The following CDK5RAP1 variants were observed in gnomAD, a reference collection of about 807,000 sequenced individuals.
CDK5RAP1 encodes the protein mitochondrial tRNA methylthiotransferase CDK5RAP1.
CDK5RAP1 carries 62 observed loss-of-function variants against 64.5 expected under a neutral mutation model. The ratio of observed to expected loss-of-function variants is 0.96; its 90% confidence interval spans 0.78 to 1.19. The LOEUF is 1.19. CDK5RAP1 is among the 50% of genes most tolerant of loss of function. The probability of loss-of-function intolerance (pLI) is 0.00; values close to 1 mark genes in which losing one functional copy is unlikely to be tolerated. For missense variants in CDK5RAP1, 657 were observed against 735.0 expected (o/e 0.89, Z 1.23); for synonymous variants, 250 against 261.9 (o/e 0.95, Z 0.44).
chr20:33,364,522 A>C (rs1044339893), intron 12 of CDK5RAP1, among the ~76,000 whole-genome samples: 6 of 151,994 alleles, frequency 3.9e-5, no homozygotes, highest in Non-Finnish European at 7.4e-5. Context: ...AAAATCACCC[A>C]CCAGGAGCAG....
chr20:33,361,073 G>A lies in CDK5RAP1; in HGVS notation c.1543-582C>T, dbSNP rs1387043578. Among the ~76,000 whole-genome samples the A allele has an allele frequency of 2.6e-5, 4 of 152,320 alleles. No homozygotes were observed. The East Asian group carries it at 7.7e-4, about 29-fold the overall frequency. ...CCTTCAGCCTTATAAATAATAACCA[G>A]CAAATTGGGTAAAATATATGAAACA... On this transcript the variant is annotated intron_variant, in intron 12 of 13. Transcript: ENST00000346416.
intron 10 of CDK5RAP1, 130 bp from the exon 11 acceptor site, chr20:33,370,759 AC>A: frequency 1.2e-6 from 1 of 850,736 alleles, no homozygotes; most frequent in Non-Finnish European, 1.9e-6. Flanking sequence ...CATAAGTAAA[AC>A]AAAATAGTAC....
intron 3 of CDK5RAP1, among the ~76,000 whole-genome samples, chr20:33,394,685 A>C (rs1278737610): frequency 6.6e-6 from 1 of 152,116 alleles, no homozygotes; most frequent in Non-Finnish European, 1.5e-5. Flanking sequence ...TGTGGCATTA[A>C]GAACATCTGC....
intron 13 of CDK5RAP1, 138 bp downstream of exon 13, chr20:33,360,213 G>A: frequency 2.8e-6 from 2 of 712,274 alleles, no homozygotes; most frequent in Non-Finnish European, 4.7e-6. Flanking sequence ...CCAATCCAAA[G>A]TGCCCTTCCA....
intron 11 of CDK5RAP1, 150 bp from the exon 12 acceptor site, chr20:33,367,158 G>T: frequency 4.5e-6 from 3 of 659,880 alleles, no homozygotes; most frequent in Non-Finnish European, 7.3e-6. Flanking sequence ...GGTTTCTCTG[G>T]CTCTGGGAGC....
At chr20:33,372,503 GAGAGAA>G in intron 10 of CDK5RAP1, 133 bp downstream of exon 10, 2 of 498,048 alleles carry the variant, frequency 4.0e-6, no homozygotes, top group Non-Finnish European at 7.1e-6. Flanking sequence ...AATACGAGGA[GAGAGAA>G]AGAGAAAGAA....
intron 11 of CDK5RAP1, among the ~76,000 whole-genome samples, chr20:33,369,948 A>G (rs576347784): frequency 1.3e-4 from 20 of 152,278 alleles, no homozygotes; most frequent in African/African-American, 3.1e-4. Context: ...CATGCCTACA[A>G]TCAAGAAAAT....
intron 13 of CDK5RAP1, 43 bp from the exon 14 acceptor site, chr20:33,359,166 G>C (rs1401643237): frequency 1.8e-5 from 25 of 1,386,938 alleles, no homozygotes; most frequent in Non-Finnish European, 2.6e-5. Flanking sequence ...AACTAGGACT[G>C]TAGCACTGGG....
At chr20:33,378,650 T>G (rs1986339490) in intron 8 of CDK5RAP1, among the ~76,000 whole-genome samples, 1 of 152,166 alleles carries the variant, frequency 6.6e-6, no homozygotes, top group African/African-American at 2.4e-5. Context: ...AGGAGGTAAT[T>G]GTTAACCCCT....
chr20:33,362,367 A>C (rs1341173436), intron 12 of CDK5RAP1, among the ~76,000 whole-genome samples: 1 of 152,206 alleles, frequency 6.6e-6, no homozygotes, highest in Non-Finnish European at 1.5e-5. Flanking sequence ...CCAAAATGTC[A>C]ACCTAAAAGT....
At chr20:33,375,264 T>C (rs1985796534) in intron 8 of CDK5RAP1, among the ~76,000 whole-genome samples, 1 of 151,566 alleles carries the variant, frequency 6.6e-6, no homozygotes, top group Non-Finnish European at 1.5e-5. Context: ...TAGCTGGACA[T>C]GGTGGTGTGC....
intron 8 of CDK5RAP1, among the ~76,000 whole-genome samples, 184 bp downstream of exon 8, chr20:33,379,277 C>A (rs1568702312): frequency 6.6e-6 from 1 of 152,086 alleles, no homozygotes; most frequent in Non-Finnish European, 1.5e-5. Flanking sequence ...TGGTGTAAGC[C>A]CCGTGCCCAG....
At chr20:33,392,462 A>ATTTTTTTTT (rs1202756640) in intron 4 of CDK5RAP1, among the ~76,000 whole-genome samples, 1 of 118,980 alleles carries the variant, frequency 8.4e-6, no homozygotes, top group Admixed American at 8.7e-5. Flanking sequence ...TTTGGGGGGG[A>ATTTTTTTTT]TTTTTTTTTT....
chr20:33,398,649 G>A (rs984938929), intron 1 of CDK5RAP1, among the ~76,000 whole-genome samples: 35 of 150,872 alleles, frequency 2.3e-4, no homozygotes, highest in Non-Finnish European at 3.0e-4. Flanking sequence ...GCTGGTGGCC[G>A]GGTGCAGTGG....
chr20:33,380,851 A>G (rs1320236880), intron 7 of CDK5RAP1, among the ~76,000 whole-genome samples: 1 of 152,018 alleles, frequency 6.6e-6, no homozygotes, highest in Non-Finnish European at 1.5e-5. Flanking sequence ...AAATACAAAA[A>G]ATTAGCTGGG....
At position 33,370,621 on chromosome 20, in the gene CDK5RAP1, G is replaced by C; in HGVS notation, c.1270C>G (p.Leu424Val). Residue 424 changes from leucine to valine, a missense_variant, in exon 11 of 14, where the codon CTC (leucine) becomes GTC (valine). Coordinates refer to ENST00000346416, the MANE Select transcript of CDK5RAP1 (RefSeq NM_016408.4). Reference protein sequence around the residue: ...HIRESIPGVSLSSDFIAGFCG... With the variant: ...HIRESIPGVSVSSDFIAGFCG... ...AAGCCAGCAATGAAATCGCTGCTGA[G>C]GCTCACACCTGTGATACACAGCAAA... 2 of 1,614,188 alleles carry C rather than the reference G, an allele frequency of 1.2e-6. No homozygotes were observed. Among genetic ancestry groups the C allele is most frequent in the Non-Finnish European group, 1.7e-6 (2 of 1,180,022 alleles).
rs1332042860 is a variant in CDK5RAP1, at chr20:33,396,995, A to T, written c.70T>A (p.Trp24Arg). 4.3e-6 allele frequency: 7 copies of T among 1,614,188 alleles called. No individual in the cohort carries two copies. Among genetic ancestry groups the T allele is most frequent in the Non-Finnish European group, 5.9e-6 (7 of 1,180,018 alleles). ...LGWGPLASVS[W>R]LSLRMCRAHS... ...GCCCTGCACATCCTCAGCGACAGCC[A>T]AGACACAGAGGCCAATGGTCCCCAC... is the stretch of plus-strand genomic sequence containing the variant. Residue 24 changes from tryptophan to arginine, a missense_variant, in exon 2 of 14, where the codon TGG becomes AGG. By Grantham distance (101) the Trp-to-Arg change is moderately radical. Coordinates refer to ENST00000346416, the MANE Select transcript of CDK5RAP1 (RefSeq NM_016408.4).
chr20:33,394,163 C>T (rs1321747440), intron 3 of CDK5RAP1, 97 bp from the exon 4 acceptor site: 134 of 869,824 alleles, frequency 1.5e-4, no homozygotes, highest in African/African-American at 5.9e-4. Flanking sequence ...ATTTTTTTTT[C>T]CTTTTTTTTT....
chr20:33,392,669 TA>T (rs1600802063), intron 4 of CDK5RAP1, among the ~76,000 whole-genome samples: 1 of 152,048 alleles, frequency 6.6e-6, no homozygotes, highest in East Asian at 1.9e-4. Flanking sequence ...TGCTATAATT[TA>T]CCTTTCCTAA....
Sources: gnomAD v4.1 joint callset for allele counts (sites outside exome capture counted in the v4.1 genomes callset) on GRCh38, gnomAD v4.1.1 for gene constraint, MANE v1.5 for transcripts, NCBI Gene and HGNC (gene_info 2026-07-23, HGNC 2026-07-21) for gene names.